Variants in GRM5 observed in about 807,000 individuals in gnomAD.
The protein encoded by GRM5 is glutamate metabotropic receptor 5.
In GRM5, 19 loss-of-function variants were observed where a neutral mutation model predicts 83.1. The ratio of observed to expected loss-of-function variants is 0.23; its 90% CI spans 0.16 to 0.34. The LOEUF is 0.34. Ranked by LOEUF, GRM5 falls within the 10% of genes least tolerant of loss-of-function variation. The probability of loss-of-function intolerance (pLI) is 1.00; values close to 1 mark genes in which losing one functional copy is unlikely to be tolerated. For missense variants in GRM5, 1,160 were observed against 1,588.3 expected (o/e 0.73, Z 4.58); for synonymous variants, 675 against 633.6 (o/e 1.07, Z -0.98).
intron 4 of GRM5, among the ~76,000 whole-genome samples, chr11:88,640,853 A>C (rs1033899280): frequency 2.0e-5 from 3 of 152,136 alleles, no homozygotes; most frequent in Non-Finnish European, 4.4e-5. Flanking sequence ...TAGTTCAGCT[A>C]TTGGGAGGCT....
chr11:88,886,383 T>A (rs1341304013), intron 2 of GRM5, among the ~76,000 whole-genome samples: 1 of 152,196 alleles, frequency 6.6e-6, no homozygotes, highest in Non-Finnish European at 1.5e-5. Context: ...TCTGTCCTTT[T>A]ATTCTGAGGC....
At chr11:88,521,529 A>G (rs1263963374) in intron 9 of GRM5, among the ~76,000 whole-genome samples, 3 of 152,310 alleles carry the variant, frequency 2.0e-5, no homozygotes, top group East Asian at 3.9e-4. Flanking sequence ...CTGAGGCTGG[A>G]CCATCTTGCT....
At chr11:88,910,409 T>C (rs1277604040) in intron 2 of GRM5, among the ~76,000 whole-genome samples, 3 of 152,134 alleles carry the variant, frequency 2.0e-5, no homozygotes, top group Non-Finnish European at 2.9e-5. Context: ...CTGTTCTCAA[T>C]ACTTCTTTGA....
At chr11:88,626,731 GT>G (rs1214461675) in intron 4 of GRM5, among the ~76,000 whole-genome samples, 1 of 152,160 alleles carries the variant, frequency 6.6e-6, no homozygotes, top group Non-Finnish European at 1.5e-5. Context: ...AAGTAATTAG[GT>G]TTAGATGAGC....
chr11:88,570,571 A>ATATATATATATTTTTTTTT (rs1405339448), intron 7 of GRM5, among the ~76,000 whole-genome samples: 1 of 46,376 alleles, frequency 2.2e-5, no homozygotes, highest in East Asian at 5.5e-4. Flanking sequence ...ATATATATAT[A>ATATATATATATTTTTTTTT]TTTTTTTTTT....
chr11:88,625,576 G>A (rs1380703747), intron 4 of GRM5, among the ~76,000 whole-genome samples: 1 of 151,966 alleles, frequency 6.6e-6, no homozygotes, highest in East Asian at 1.9e-4. Flanking sequence ...GCGTGAATAG[G>A]CCATGCAACT....
intron 3 of GRM5, among the ~76,000 whole-genome samples, chr11:88,660,796 C>G (rs1188381956): frequency 2.6e-5 from 4 of 152,166 alleles, no homozygotes; most frequent in African/African-American, 9.7e-5. Flanking sequence ...ACTCCTAAGC[C>G]TTTGGGTGTG....
intron 3 of GRM5, among the ~76,000 whole-genome samples, chr11:88,670,352 G>T (rs894713268): frequency 6.6e-6 from 1 of 151,986 alleles, no homozygotes; most frequent in South Asian, 2.1e-4. Context: ...TTCAAAAAGG[G>T]CATAGACAGA....
At chr11:88,671,473 A>G (rs1296978852) in intron 3 of GRM5, among the ~76,000 whole-genome samples, 1 of 151,942 alleles carries the variant, frequency 6.6e-6, no homozygotes, top group East Asian at 1.9e-4. Context: ...TTCAACTCTT[A>G]CATTCACAGT....
At chr11:88,534,786 T>C (rs1942097520) in intron 8 of GRM5, among the ~76,000 whole-genome samples, 1 of 152,204 alleles carries the variant, frequency 6.6e-6, no homozygotes, top group African/African-American at 2.4e-5. Context: ...AATTTCATCT[T>C]CACTTGTACT....
chr11:89,049,529 A>T (rs1941713129), intron 1 of GRM5, among the ~76,000 whole-genome samples: 1 of 152,210 alleles, frequency 6.6e-6, no homozygotes, highest in African/African-American at 2.4e-5. Flanking sequence ...CAAGAATACT[A>T]ATGGTTTCAA....
intron 2 of GRM5, among the ~76,000 whole-genome samples, chr11:88,876,417 C>G (rs945654735): frequency 3.3e-5 from 5 of 152,134 alleles, no homozygotes; most frequent in African/African-American, 4.8e-5. Context: ...CTAAAACTTT[C>G]TCTGTATCTG....
chr11:88,950,345 G>A (rs1392742951), intron 2 of GRM5, among the ~76,000 whole-genome samples: 3 of 100,368 alleles, frequency 3.0e-5, no homozygotes, highest in Admixed American at 1.3e-4. Context: ...AGATATTTGT[G>A]AGATAAGTGT....
intron 2 of GRM5, among the ~76,000 whole-genome samples, chr11:88,885,442 G>T (rs1170424737): frequency 8.7e-6 from 1 of 114,610 alleles, no homozygotes; most frequent in Non-Finnish European, 1.7e-5. Flanking sequence ...TTCTATAGTA[G>T]GTACCATGTT....
intron 2 of GRM5, among the ~76,000 whole-genome samples, chr11:88,987,788 C>A (rs2135038898): frequency 6.6e-6 from 1 of 151,844 alleles, no homozygotes; most frequent in East Asian, 1.9e-4. Flanking sequence ...AACAGACCTG[C>A]AGCTGAGGGT....
chr11:88,991,917 A>T (rs1939990565), intron 2 of GRM5, among the ~76,000 whole-genome samples: 1 of 152,214 alleles, frequency 6.6e-6, no homozygotes, highest in South Asian at 2.1e-4. Flanking sequence ...ACCCTAGAAG[A>T]AAACCCAGGC....
At chr11:88,943,968 T>C (rs1018261067) in intron 2 of GRM5, among the ~76,000 whole-genome samples, 7 of 151,938 alleles carry the variant, frequency 4.6e-5, no homozygotes, top group East Asian at 1.9e-4. Flanking sequence ...CCTCGAGAAG[T>C]TGTAAATAGT....
intron 1 of GRM5, among the ~76,000 whole-genome samples, chr11:89,054,406 A>G (rs973810368): frequency 1.7e-4 from 26 of 152,314 alleles, no homozygotes; most frequent in African/African-American, 5.8e-4. Flanking sequence ...CAACAAAACA[A>G]CATAAGTTCA....
intron 3 of GRM5, among the ~76,000 whole-genome samples, chr11:88,659,582 CT>C (rs1381113681): frequency 6.6e-6 from 1 of 152,120 alleles, no homozygotes; most frequent in Non-Finnish European, 1.5e-5. Flanking sequence ...AGTATTTTAA[CT>C]TTATAATTAT....
Sources: allele counts gnomAD v4.1 joint callset (sites outside exome capture counted in the v4.1 genomes callset), GRCh38; gene constraint gnomAD v4.1.1; transcripts MANE v1.5; gene names NCBI Gene and HGNC (gene_info 2026-07-23, HGNC 2026-07-21).